Variants in PLA2G6 observed in about 807,000 individuals in gnomAD.
The protein encoded by PLA2G6 is phospholipase A2 group VI, also known as 85/88 kDa calcium-independent phospholipase A2.
In PLA2G6, 62 loss-of-function variants were observed where a neutral mutation model predicts 83.8. The ratio of observed to expected loss-of-function variants is 0.74; its 90% CI spans 0.60 to 0.91. PLA2G6 has a LOEUF of 0.91. Ranked by LOEUF, PLA2G6 falls within the 40% of genes least tolerant of loss-of-function variation. The pLI is 0.00. For missense variants in PLA2G6, 944 were observed against 1,102.0 expected (o/e 0.86, Z 2.03); for synonymous variants, 417 against 449.8 (o/e 0.93, Z 0.92).
chr22:38,124,144 T>G (rs1190129721), intron 10 of PLA2G6, among the ~76,000 whole-genome samples: 1 of 152,062 alleles, frequency 6.6e-6, no homozygotes, highest in Non-Finnish European at 1.5e-5. Flanking sequence ...CTTATTTATT[T>G]ATTTATTTAT....
intron 10 of PLA2G6, among the ~76,000 whole-genome samples, chr22:38,125,306 GTGTGTGCGTGCA>G (rs918783966): frequency 2.0e-5 from 3 of 152,098 alleles, no homozygotes; most frequent in Non-Finnish European, 4.4e-5. Flanking sequence ...GCATGTGGGT[GTGTGTGCGTGCA>G]TGTGTGCGTG....
intron 2 of PLA2G6, among the ~76,000 whole-genome samples, chr22:38,167,485 G>A (rs570241536): frequency 6.6e-6 from 1 of 152,214 alleles, no homozygotes; most frequent in African/African-American, 2.4e-5. Context: ...GGGCTGTCCA[G>A]CTCTCCAAGG....
chr22:38,171,695 C>T (rs1327166787), intron 1 of PLA2G6, among the ~76,000 whole-genome samples: 3 of 151,838 alleles, frequency 2.0e-5, no homozygotes, highest in African/African-American at 4.8e-5. Context: ...GTGGTGGGCA[C>T]CTATAATCCC....
chr22:38,115,872 G>A (rs1346247308), intron 13 of PLA2G6, 191 bp from the exon 14 acceptor site: 1 of 1,480,300 alleles, frequency 6.8e-7, no homozygotes, highest in Non-Finnish European at 8.9e-7. Flanking sequence ...AGGTACAGCT[G>A]AGGACTTTCC....
Position 38,145,452 on chromosome 22 carries a change from G to T in PLA2G6, c.411C>A (p.His137Gln), listed in dbSNP as rs2089191156. ...CCCTTGCTCACCTGATGATACGGCT[G>T]TGATGGAAGCACTCGCGGATCCCTA... ...VELGIRECFHHSRIISCANCA... is the reference protein window; with the variant it reads ...VELGIRECFHQSRIISCANCA... Residue 137 changes from histidine to glutamine, a missense_variant, in exon 3 of 17, where the codon CAC becomes CAA. Transcript: ENST00000332509. 6.2e-7 allele frequency: 1 copy of T among 1,608,372 alleles called. No homozygotes were observed. The highest frequency in any genetic ancestry group is 1.9e-4 in the Middle Eastern group (1 of 5,254).
At chr22:38,152,506 C>T (rs1012668142) in intron 2 of PLA2G6, among the ~76,000 whole-genome samples, 1 of 151,910 alleles carries the variant, frequency 6.6e-6, no homozygotes, top group African/African-American at 2.4e-5. Context: ...TGTGCCTGGC[C>T]CGTGCCTGGC....
At chr22:38,147,945 G>A (rs1209967569) in intron 2 of PLA2G6, 2 of 160,880 alleles carry the variant, frequency 1.2e-5, no homozygotes, top group African/African-American at 4.8e-5. Flanking sequence ...CGTAATCAGT[G>A]TTACAGAAAC....
intron 4 of PLA2G6, chr22:38,141,440 A>C (rs2088896943): frequency 6.6e-6 from 1 of 152,250 alleles, no homozygotes; most frequent in Non-Finnish European, 1.5e-5. Flanking sequence ...ACCACAGTGT[A>C]CCCATGTGAC....
chr22:38,163,203 C>T (rs769482183), intron 2 of PLA2G6, among the ~76,000 whole-genome samples: 1 of 152,234 alleles, frequency 6.6e-6, no homozygotes, highest in Non-Finnish European at 1.5e-5. Flanking sequence ...TTCCTGCCCA[C>T]AGGCTCCCCA....
At chr22:38,129,350 C>A in intron 8 of PLA2G6, 104 bp downstream of exon 8, 2 of 824,740 alleles carry the variant, frequency 2.4e-6, no homozygotes, top group South Asian at 2.8e-5. Context: ...CAGGGCGGGT[C>A]AGCACAGGAT....
At chr22:38,125,712 T>C in intron 10 of PLA2G6, 1 of 470,750 alleles carries the variant, frequency 2.1e-6, no homozygotes, top group South Asian at 1.5e-5. Flanking sequence ...AGGTTACAAA[T>C]TCCTCCCTGG....
intron 2 of PLA2G6, chr22:38,148,382 T>C (rs1291307336): frequency 1.6e-6 from 1 of 643,510 alleles, no homozygotes; most frequent in Non-Finnish European, 2.8e-6. Context: ...AACAGCAGAC[T>C]AGGGAATGTG....
chr22:38,164,205 C>T (rs770483109), intron 2 of PLA2G6, among the ~76,000 whole-genome samples: 1 of 152,170 alleles, frequency 6.6e-6, no homozygotes, highest in Non-Finnish European at 1.5e-5. Context: ...CCAGGGCCCC[C>T]GCACCATAGG....
At chr22:38,145,753 G>GCCAGCT in intron 2 of PLA2G6, 100 bp from the exon 3 acceptor site, 1 of 713,446 alleles carries the variant, frequency 1.4e-6, no homozygotes, top group South Asian at 1.5e-5. Flanking sequence ...CTGCGGCCTG[G>GCCAGCT]CCAGCTCCAG....
chr22:38,133,188 C>A, intron 6 of PLA2G6, 175 bp from the exon 7 acceptor site: 2 of 630,010 alleles, frequency 3.2e-6, no homozygotes, highest in South Asian at 1.9e-5. Context: ...TAGACTGCCT[C>A]CCATCCCATC....
At chr22:38,181,355 G>A (rs918969669) in intron 1 of PLA2G6, among the ~76,000 whole-genome samples, 1 of 152,176 alleles carries the variant, frequency 6.6e-6, no homozygotes. Context: ...CGTGAAGTGG[G>A]GAATCAAGTG....
chr22:38,155,082 C>T (rs1224111387), intron 2 of PLA2G6, among the ~76,000 whole-genome samples: 1 of 152,082 alleles, frequency 6.6e-6, no homozygotes, highest in Non-Finnish European at 1.5e-5. Context: ...AAAAAATTAG[C>T]CAGGCGTGGT....
At chr22:38,114,736 G>A (rs1461830891) in intron 14 of PLA2G6, among the ~76,000 whole-genome samples, 1 of 152,186 alleles carries the variant, frequency 6.6e-6, no homozygotes, top group Non-Finnish European at 1.5e-5. Context: ...GGGGCTTCGG[G>A]AAACCACAGC....
At chr22:38,124,805 G>C (rs910347485) in intron 10 of PLA2G6, among the ~76,000 whole-genome samples, 2 of 152,170 alleles carry the variant, frequency 1.3e-5, no homozygotes, top group Admixed American at 1.3e-4. Flanking sequence ...TCTTTTCCTG[G>C]ACCAGGTACC....
Sources: allele counts gnomAD v4.1 joint callset (sites outside exome capture counted in the v4.1 genomes callset), GRCh38; gene constraint gnomAD v4.1.1; transcripts MANE v1.5; gene names NCBI Gene and HGNC (gene_info 2026-07-23, HGNC 2026-07-21).